CAMK2D: variants seen among roughly 807,000 people sequenced by gnomAD.
CAMK2D encodes the protein calcium/calmodulin-dependent protein kinase type II subunit delta.
A neutral mutation model predicts 84.0 loss-of-function variants in CAMK2D; 37 were observed. The ratio of observed to expected loss-of-function variants is 0.44; its 90% CI spans 0.34 to 0.58. The LOEUF (loss-of-function observed/expected upper bound fraction) is 0.58. Among genes scored for constraint, CAMK2D ranks in the 20% least tolerant of loss-of-function variants. CAMK2D has a pLI of 0.02. For missense variants in CAMK2D, 448 were observed against 652.5 expected, an observed-to-expected ratio of 0.69 and a Z score of 3.41; for synonymous variants, 202 against 212.5, an observed-to-expected ratio of 0.95 and a Z score of 0.43.
intron 7 of CAMK2D, among the ~76,000 whole-genome samples, chr4:113,536,230 A>T (rs1184644617): frequency 2.0e-5 from 3 of 152,214 alleles, no homozygotes; most frequent in Admixed American, 2.0e-4. Context: ...ATAATATTAA[A>T]CATGAGAGAG....
At chr4:113,686,406 A>G (rs111332222) in intron 2 of CAMK2D, among the ~76,000 whole-genome samples, 88 of 152,336 alleles carry the variant, frequency 5.8e-4, no homozygotes, top group African/African-American at 1.4e-3. Flanking sequence ...GTTTTCCCTT[A>G]CAAAAGTAAT....
chr4:113,760,929 G>A, intron 1 of CAMK2D, 75 bp downstream of exon 1: 1 of 1,585,630 alleles, frequency 6.3e-7, no homozygotes, highest in South Asian at 1.1e-5. Context: ...CAAGACGGAG[G>A]CCGGTGGGTC....
intron 2 of CAMK2D, among the ~76,000 whole-genome samples, chr4:113,731,463 G>T (rs1284616247): frequency 6.6e-6 from 1 of 151,898 alleles, no homozygotes; most frequent in Admixed American, 6.6e-5. Context: ...TGTAATAGAT[G>T]AAACTATTTT....
At position 113,669,322 on chromosome 4, in the gene CAMK2D, C is replaced by T. The variant is rs530973613; in HGVS notation, c.161-7550G>A. On this transcript the variant is annotated intron_variant, in intron 2 of 20. Transcript: ENST00000511664. ...ACATAGCTATTAAGAAGGAGATGGG[C>T]ATACTCTGCTAAGACCTAATAGAAG... is the stretch of plus-strand genomic sequence containing the variant. Among the ~76,000 whole-genome samples the T allele has an allele frequency of 3.3e-5, 5 of 152,248 alleles. No homozygotes were observed. The South Asian group carries it at 1.0e-3, about 32-fold the overall frequency.
intron 19 of CAMK2D, chr4:113,456,850 G>C (rs2097309301): frequency 6.4e-6 from 1 of 156,018 alleles, no homozygotes; most frequent in African/African-American, 2.4e-5. Flanking sequence ...CTGAGGTAGA[G>C]TGGTGAGGTG....
chr4:113,733,782 GT>G (rs2099574708), intron 2 of CAMK2D, among the ~76,000 whole-genome samples: 1 of 152,150 alleles, frequency 6.6e-6, no homozygotes, highest in Non-Finnish European at 1.5e-5. Flanking sequence ...ATAAATGGCA[GT>G]TTCTTCATGA....
chr4:113,731,254 T>C (rs1454092745), intron 2 of CAMK2D, among the ~76,000 whole-genome samples: 3 of 152,184 alleles, frequency 2.0e-5, no homozygotes, highest in African/African-American at 7.2e-5. Context: ...AGAAGGTCAA[T>C]GACCGCAGGC....
chr4:113,663,596 T>A (rs2099245045), intron 2 of CAMK2D, among the ~76,000 whole-genome samples: 1 of 148,560 alleles, frequency 6.7e-6, no homozygotes, highest in African/African-American at 2.5e-5. Context: ...CTAAAAATAA[T>A]AATAATAATA....
intron 16 of CAMK2D, among the ~76,000 whole-genome samples, chr4:113,471,734 T>A (rs577443920): frequency 6.6e-6 from 1 of 152,016 alleles, no homozygotes; most frequent in East Asian, 1.9e-4. Context: ...CACACCGGCC[T>A]CTCTCACTCC....
chr4:113,593,862 C>T (rs2098907600), intron 4 of CAMK2D, among the ~76,000 whole-genome samples: 1 of 152,066 alleles, frequency 6.6e-6, no homozygotes, highest in South Asian at 2.1e-4. Context: ...AATGCTTCCT[C>T]TTTCCCCATA....
intron 2 of CAMK2D, chr4:113,754,561 G>A (rs2149102960): frequency 1.0e-6 from 1 of 979,996 alleles, no homozygotes. Flanking sequence ...CACACAATCA[G>A]GTAGAGGTTT....
chr4:113,654,437 C>G (rs1005688749), intron 3 of CAMK2D, among the ~76,000 whole-genome samples: 4 of 151,976 alleles, frequency 2.6e-5, no homozygotes, highest in African/African-American at 9.7e-5. Context: ...CACACTGGTT[C>G]TATACCAGGG....
rs2097273081 is a variant in CAMK2D at position 113,453,643 on chromosome 4, T to G, written c.*902A>C. 1 of 152,190 alleles carries G rather than the reference T, an allele frequency of 6.6e-6. No individual in the cohort carries two copies. The highest frequency in any genetic ancestry group is 1.5e-5 in the Non-Finnish European group (1 of 68,020). 9.4% of individuals were successfully genotyped at this position (152,190 alleles called of 1,614,324 possible). The stretch of plus-strand genomic sequence containing the variant: ...TTTTATTTCCCTTTTACATTCATTA[T>G]GCAAATTTCACTTCTATTCTTTTCT... On this transcript the variant is annotated 3_prime_UTR_variant, in exon 21 of 21. Transcript: ENST00000511664.
At chr4:113,506,359 C>T (rs2098127449) in intron 13 of CAMK2D, among the ~76,000 whole-genome samples, 1 of 152,120 alleles carries the variant, frequency 6.6e-6, no homozygotes, top group African/African-American at 2.4e-5. Context: ...GCTGCTTGAC[C>T]CACAGAAAAG....
intron 2 of CAMK2D, among the ~76,000 whole-genome samples, chr4:113,732,047 C>T (rs1023631205): frequency 6.6e-6 from 1 of 151,780 alleles, no homozygotes; most frequent in South Asian, 2.1e-4. Flanking sequence ...CTCCTTTGGG[C>T]CGGGGTTTCT....
Position 113,548,186 on chromosome 4 carries a change from C to A in CAMK2D, c.342-470G>T, listed in dbSNP as rs986839434. On this transcript the variant is annotated intron_variant, in intron 5 of 20. Coordinates refer to ENST00000511664, the MANE Select transcript of CAMK2D (RefSeq NM_001321571.2). ...TAATGAATTTTTGATAAATCATTAA[C>A]TTCTTGTGCTTTAATTTAGCTGGCA... Among the ~76,000 whole-genome samples the A allele has an allele frequency of 2.0e-5, 3 of 152,278 alleles. No homozygotes were observed. In the East Asian group the frequency reaches 5.8e-4, roughly 29 times the overall value.
chr4:113,504,738 G>A (rs975878943), intron 14 of CAMK2D, among the ~76,000 whole-genome samples: 3 of 146,446 alleles, frequency 2.0e-5, no homozygotes, highest in Admixed American at 7.0e-5. Context: ...GTTCAACAAC[G>A]AAATGAGATA....
intron 2 of CAMK2D, among the ~76,000 whole-genome samples, chr4:113,724,933 C>A (rs922015054): frequency 6.6e-5 from 10 of 151,862 alleles, no homozygotes; most frequent in Non-Finnish European, 1.0e-4. Flanking sequence ...GGTCAAAATT[C>A]TTTGCCTTTT....
intron 4 of CAMK2D, among the ~76,000 whole-genome samples, chr4:113,583,781 CAT>C (rs1231318022): frequency 1.3e-5 from 2 of 152,126 alleles, no homozygotes; most frequent in Non-Finnish European, 2.9e-5. Context: ...ATTACACACA[CAT>C]GTAATTTTTT....
Sources: allele counts gnomAD v4.1 joint callset (sites outside exome capture counted in the v4.1 genomes callset), GRCh38; gene constraint gnomAD v4.1.1; transcripts MANE v1.5; gene names NCBI Gene and HGNC (gene_info 2026-07-23, HGNC 2026-07-21).